The following OPA3 variants were observed in gnomAD, a reference collection of about 807,000 sequenced individuals.
OPA3 encodes the protein outer mitochondrial membrane lipid metabolism regulator OPA3.
In OPA3, 6 loss-of-function variants were observed where a neutral mutation model predicts 4.0. The ratio of observed to expected loss-of-function variants is 1.51; its 90% CI spans 0.83 to 2.99. OPA3 has a LOEUF of 2.99. Among genes scored for constraint, OPA3 ranks in the 30% most tolerant of loss-of-function variants. The probability of loss-of-function intolerance (pLI) is 0.00; values close to 1 mark genes in which losing one functional copy is unlikely to be tolerated. For missense variants in OPA3, 235 were observed against 256.2 expected, an observed-to-expected ratio of 0.92 and a Z score of 0.56; for synonymous variants, 105 against 117.1, an observed-to-expected ratio of 0.90 and a Z score of 0.67.
chr19:45,573,770 T>A (rs1206723949), intron 1 of OPA3, among the ~76,000 whole-genome samples: 2 of 152,190 alleles, frequency 1.3e-5, no homozygotes, highest in Non-Finnish European at 2.9e-5. Context: ...GCAGAGGGAC[T>A]CATGCAGGAC....
intron 1 of OPA3, among the ~76,000 whole-genome samples, chr19:45,564,754 C>CT (rs1969557823): frequency 6.6e-6 from 1 of 152,204 alleles, no homozygotes; most frequent in Non-Finnish European, 1.5e-5. Context: ...CCAACTATCT[C>CT]TTTTTTAAGA....
At chr19:45,560,414 C>G (rs1335457694) in intron 1 of OPA3, among the ~76,000 whole-genome samples, 1 of 152,214 alleles carries the variant, frequency 6.6e-6, no homozygotes, top group African/African-American at 2.4e-5. Context: ...AGGCACAGAG[C>G]AGGCACTTAA....
intron 1 of OPA3, among the ~76,000 whole-genome samples, chr19:45,531,059 G>A (rs1244314370): frequency 6.7e-6 from 1 of 149,676 alleles, no homozygotes; most frequent in Non-Finnish European, 1.5e-5. Flanking sequence ...CAAAGTGCTG[G>A]GATTACAGGC....
Position 45,548,561 on chromosome 19 carries a change from G to A in OPA3, c.*4953C>T. The A allele has an allele frequency of 1.0e-6, 1 of 985,446 alleles. No homozygotes were observed. Among genetic ancestry groups the A allele is most frequent in the Non-Finnish European group, 1.2e-6 (1 of 829,958 alleles). 61.0% of individuals were successfully genotyped at this position (985,446 alleles called of 1,614,324 possible). ...TACGTGTGAGCATCTGTAAGACCCGGTGACGGCAGGGCTGGGGCTGTCTCT... is the reference window on the plus strand; with the variant it reads ...TACGTGTGAGCATCTGTAAGACCCGATGACGGCAGGGCTGGGGCTGTCTCT... On this transcript the variant is annotated 3_prime_UTR_variant, in exon 2 of 2. Coordinates refer to ENST00000263275, the MANE Select transcript of OPA3 (RefSeq NM_025136.4).
At chr19:45,558,734 T>C (rs937145130) in intron 1 of OPA3, among the ~76,000 whole-genome samples, 1 of 151,984 alleles carries the variant, frequency 6.6e-6, no homozygotes, top group African/African-American at 2.4e-5. Flanking sequence ...TTTTTTTTTT[T>C]ATTTTTTTTA....
chr19:45,577,213 C>G (rs79908108), intron 1 of OPA3, among the ~76,000 whole-genome samples: 292 of 152,342 alleles, frequency 1.9e-3, no homozygotes, highest in African/African-American at 6.3e-3. Flanking sequence ...CTAGCATGTA[C>G]TGTTCTTTCC....
intron 1 of OPA3, among the ~76,000 whole-genome samples, chr19:45,533,097 GT>G: frequency 6.6e-6 from 1 of 151,416 alleles, no homozygotes; most frequent in East Asian, 1.9e-4. Context: ...CACCATGTTG[GT>G]CAGGCTGGTC....
At position 45,579,211 on chromosome 19, in the gene OPA3, A is replaced by C. The variant is rs539830692; in HGVS notation, c.142+5412T>G. Among the ~76,000 whole-genome samples, 20 of 152,158 alleles carry C rather than the reference A, an allele frequency of 1.3e-4. No homozygotes were observed. In the East Asian group the frequency reaches 3.5e-3, roughly 26 times the overall value. ...TTTCCTAGAGCAATTATTGCTATCT[A>C]ATATACTTCATCTTTTAACTATTTT... On this transcript the variant is annotated intron_variant, in intron 1 of 1. Transcript: ENST00000263275.
chr19:45,528,639 G>A (rs978910938), exon 2 of OPA3: 1 of 195,944 alleles, frequency 5.1e-6, no homozygotes, highest in Non-Finnish European at 1.0e-5. Flanking sequence ...CCACTCAGGT[G>A]AGTGAGGGTG....
At chr19:45,528,865 G>T (rs942164972) in exon 2 of OPA3, 6 of 620,832 alleles carry the variant, frequency 9.7e-6, no homozygotes, top group Admixed American at 9.6e-5. Context: ...GAGAGTCCCA[G>T]TGGAAGGTAC....
intron 1 of OPA3, among the ~76,000 whole-genome samples, chr19:45,577,549 C>A (rs1350670285): frequency 6.6e-6 from 1 of 152,220 alleles, no homozygotes; most frequent in Non-Finnish European, 1.5e-5. Flanking sequence ...TTCTGTCCAA[C>A]CTGCCCCTCC....
intron 1 of OPA3, among the ~76,000 whole-genome samples, chr19:45,573,033 C>G (rs929019231): frequency 6.6e-6 from 1 of 151,784 alleles, no homozygotes; most frequent in Non-Finnish European, 1.5e-5. Flanking sequence ...AAAGAGGCCC[C>G]AAGCCCACAT....
chr19:45,534,296 T>C (rs530722932), intron 1 of OPA3, among the ~76,000 whole-genome samples: 21 of 152,256 alleles, frequency 1.4e-4, no homozygotes, highest in African/African-American at 5.1e-4. Context: ...GCGCTGTGGC[T>C]CATGCCTGTA....
chr19:45,553,161 G>A lies in OPA3; in HGVS notation c.*353C>T, dbSNP rs1934652646. On this transcript the variant is annotated 3_prime_UTR_variant, in exon 2 of 2. Transcript: ENST00000263275. ...CCCAGTAAAGGTTAACACTGATCAGGTAAACCGGGGGTGGGGGTAACAATA... is the reference window on the plus strand; with the variant it reads ...CCCAGTAAAGGTTAACACTGATCAGATAAACCGGGGGTGGGGGTAACAATA... The A allele has an allele frequency of 2.4e-6, 3 of 1,265,056 alleles. No homozygotes were observed. The highest frequency in any genetic ancestry group is 3.0e-6 in the Non-Finnish European group (3 of 994,800). 78.4% of individuals were successfully genotyped at this position (1,265,056 alleles called of 1,614,324 possible).
At position 45,548,397 on chromosome 19, in the gene OPA3, G is replaced by A. The variant is rs371869405; in HGVS notation, c.*5117C>T. On this transcript the variant is annotated 3_prime_UTR_variant, in exon 2 of 2. Coordinates refer to ENST00000263275, the MANE Select transcript of OPA3 (RefSeq NM_025136.4). ...GAGATGGGAGGGGCACAGCCCTCAG[G>A]GCACCTCCCAGGGTTTTGTGAGCTG... The A allele has an allele frequency of 6.1e-6, 6 of 985,468 alleles. No individual in the cohort carries two copies. The South Asian group carries it at 1.9e-4, about 31-fold the overall frequency. 61.0% of individuals were successfully genotyped at this position (985,468 alleles called of 1,614,324 possible).
chr19:45,544,406 T>C (rs1019497140), downstream of OPA3, among the ~76,000 whole-genome samples: 2 of 152,208 alleles, frequency 1.3e-5, no homozygotes, highest in African/African-American at 4.8e-5. Context: ...ACGCCTGTAA[T>C]CCCAGCACTT....
rs1268504326 is a variant in OPA3 at position 45,547,228 on chromosome 19, C to T, written c.*6286G>A. On this transcript the variant is annotated 3_prime_UTR_variant, in exon 2 of 2. Coordinates refer to ENST00000263275, the MANE Select transcript of OPA3 (RefSeq NM_025136.4). ...CAAGGGGCAGCCTTTGCTTGCCTGG[C>T]CCCCTCACCTAACTTCTCCCCTCGC... 1 of 152,220 alleles carries T rather than the reference C, an allele frequency of 6.6e-6. No homozygotes were observed. Among genetic ancestry groups the T allele is most frequent in the Non-Finnish European group, 1.5e-5 (1 of 68,064 alleles). The allele number at this position is 152,220 out of a possible 1,614,324, so 9.4% of individuals were successfully genotyped here. A position where few individuals can be genotyped will look rare whatever the true frequency, so the allele number is the denominator to read the frequency against.
chr19:45,530,018 G>A (rs1238355064), intron 1 of OPA3, among the ~76,000 whole-genome samples: 1 of 152,152 alleles, frequency 6.6e-6, no homozygotes, highest in Non-Finnish European at 1.5e-5. Flanking sequence ...GCAGGTGTGA[G>A]CCACGGAGCG....
At chr19:45,561,274 G>A (rs577645836) in intron 1 of OPA3, among the ~76,000 whole-genome samples, 5 of 152,130 alleles carry the variant, frequency 3.3e-5, no homozygotes, top group South Asian at 4.2e-4. Flanking sequence ...TGGAGGTTAC[G>A]GTGAGCCGAG....
Sources: gnomAD v4.1 joint callset for allele counts (sites outside exome capture counted in the v4.1 genomes callset) on GRCh38, gnomAD v4.1.1 for gene constraint, MANE v1.5 for transcripts, NCBI Gene and HGNC (gene_info 2026-07-23, HGNC 2026-07-21) for gene names.